PPP4R2: variants seen among roughly 807,000 people sequenced by gnomAD.
The protein encoded by PPP4R2 is protein phosphatase 4 regulatory subunit 2.
In PPP4R2, 13 loss-of-function variants were observed where a neutral mutation model predicts 47.2. The observed-to-expected ratio is 0.28, with a 90% CI of 0.18 to 0.44. The LOEUF is 0.44. Ranked by LOEUF, PPP4R2 falls within the 20% of genes least tolerant of loss-of-function variation. The pLI is 1.00. For synonymous variants in PPP4R2, 151 were observed against 163.3 expected (o/e 0.92, Z 0.57); for missense variants, 421 against 491.2 (o/e 0.86, Z 1.35).
Position 73,066,396 on chromosome 3 carries a change from A to C in PPP4R2, c.*674A>C, listed in dbSNP as rs1702998473. The C allele has an allele frequency of 6.6e-6, 1 of 151,918 alleles. No homozygotes were observed. Among genetic ancestry groups the C allele is most frequent in the South Asian group, 2.1e-4 (1 of 4,822 alleles). The allele number at this position is 151,918 out of a possible 1,614,324, so 9.4% of individuals were successfully genotyped here. ...TTTCTCTTCTGAGTAATTGAAATAA[A>C]ATCTGGCCCTTGTGAAACCCTGGAA... is the stretch of plus-strand genomic sequence containing the variant. On this transcript the variant is annotated 3_prime_UTR_variant, in exon 9 of 9. Coordinates refer to ENST00000356692, the MANE Select transcript of PPP4R2 (RefSeq NM_174907.4).
chr3:73,039,760 A>G (rs1460959074), intron 2 of PPP4R2, among the ~76,000 whole-genome samples: 1 of 152,128 alleles, frequency 6.6e-6, no homozygotes, highest in Non-Finnish European at 1.5e-5. Context: ...CAACTTGAAA[A>G]TGTCAGCAGT....
At position 73,065,502 on chromosome 3, in the gene PPP4R2, A is replaced by G. The variant is rs1432602155; in HGVS notation, c.1034A>G (p.Gln345Arg). 1.2e-6 allele frequency: 2 copies of G among 1,611,776 alleles called. No homozygotes were observed. Among genetic ancestry groups the G allele is most frequent in the East Asian group, 4.5e-5 (2 of 44,866 alleles). Residue 345 changes from glutamine (Q) to arginine (R), a missense_variant, in exon 9 of 9, where the codon CAA (glutamine) becomes CGA (arginine). By Grantham distance (43) the Gln-to-Arg change is conservative (BLOSUM62 1). Coordinates refer to ENST00000356692, the MANE Select transcript of PPP4R2 (RefSeq NM_174907.4). ...GAAGAGACTTCTGAGGAAAATAATCAAATGGAGGAATCTGATGTGTCTCAA... is the reference window on the plus strand; with the variant it reads ...GAAGAGACTTCTGAGGAAAATAATCGAATGGAGGAATCTGATGTGTCTCAA... ...VNEETSEENN[Q>R]MEESDVSQAE... is the part of the protein sequence containing the mutation.
At chr3:73,040,780 T>C (rs1237868016) in intron 2 of PPP4R2, among the ~76,000 whole-genome samples, 1 of 152,162 alleles carries the variant, frequency 6.6e-6, no homozygotes, top group Non-Finnish European at 1.5e-5. Flanking sequence ...CCGAAAGTGC[T>C]TGCATTACAG....
chr3:73,001,184 T>A (rs1701449731), intron 2 of PPP4R2, among the ~76,000 whole-genome samples: 1 of 152,060 alleles, frequency 6.6e-6, no homozygotes, highest in Non-Finnish European at 1.5e-5. Flanking sequence ...CTCAGCTACA[T>A]AAAATACTAA....
intron 2 of PPP4R2, among the ~76,000 whole-genome samples, chr3:73,031,429 G>C (rs902299550): frequency 1.4e-4 from 21 of 152,066 alleles, no homozygotes; most frequent in African/African-American, 4.6e-4. Flanking sequence ...TGTAATCCCA[G>C]CTACTCGGGA....
chr3:73,022,099 G>T (rs1189239619), intron 2 of PPP4R2, among the ~76,000 whole-genome samples: 1 of 151,724 alleles, frequency 6.6e-6, no homozygotes, highest in Non-Finnish European at 1.5e-5. Flanking sequence ...GTTTCACCAT[G>T]TTGGCCAGGC....
chr3:73,021,589 T>C lies in PPP4R2; in HGVS notation c.116+23431T>C, dbSNP rs374045516. Among the ~76,000 whole-genome samples the C allele has an allele frequency of 6.6e-5, 10 of 152,190 alleles. 1 individual carries two copies. The highest frequency in any genetic ancestry group is 2.4e-4 in the African/African-American group (10 of 41,520). ...CAGGTTAGATACTTTCAACATAAATTAGGAAAAAAATACTGGTGTGAATTT... is the reference window on the plus strand; with the variant it reads ...CAGGTTAGATACTTTCAACATAAATCAGGAAAAAAATACTGGTGTGAATTT... On this transcript the variant is annotated intron_variant, in intron 2 of 8. Transcript: ENST00000356692.
rs1371846533 is a variant in PPP4R2 at position 73,067,056 on chromosome 3, A to T, written c.*1334A>T. ...ATATTTAAAGTTTTTAAATTTCTGT[A>T]AAGTAGATTTTGTAGAATGTAATGT... On this transcript the variant is annotated 3_prime_UTR_variant, in exon 9 of 9. Coordinates refer to ENST00000356692, the MANE Select transcript of PPP4R2 (RefSeq NM_174907.4). 1 of 152,096 alleles carries T rather than the reference A, an allele frequency of 6.6e-6. No homozygotes were observed. Among genetic ancestry groups the T allele is most frequent in the East Asian group, 1.9e-4 (1 of 5,198 alleles). 9.4% of individuals were successfully genotyped at this position (152,096 alleles called of 1,614,324 possible). A position where few individuals can be genotyped will look rare whatever the true frequency, so the allele number is the denominator to read the frequency against.
chr3:73,056,654 A>G (rs1010537821), intron 3 of PPP4R2, among the ~76,000 whole-genome samples: 1 of 152,202 alleles, frequency 6.6e-6, no homozygotes, highest in African/African-American at 2.4e-5. Flanking sequence ...GAAATTGTCT[A>G]AGAACTTAAA....
chr3:73,018,240 A>G (rs1701881125), intron 2 of PPP4R2, among the ~76,000 whole-genome samples: 1 of 152,082 alleles, frequency 6.6e-6, no homozygotes, highest in South Asian at 2.1e-4. Flanking sequence ...TGAAAGTACA[A>G]TATTTGTAGG....
Position 73,047,978 on chromosome 3 carries a change from G to A in PPP4R2, c.287+622G>A, listed in dbSNP as rs183986262. Among the ~76,000 whole-genome samples, 786 of 152,298 alleles carry A rather than the reference G, an allele frequency of 5.2e-3. 10 individuals carry two copies. The highest frequency in any genetic ancestry group is 0.018 in the African/African-American group (764 of 41,556). On this transcript the variant is annotated intron_variant, in intron 3 of 8. Coordinates refer to ENST00000356692, the MANE Select transcript of PPP4R2 (RefSeq NM_174907.4). ...TGCAGTCTCTGTCTCCTGGGTTCAA[G>A]CAATTCTCCTCCCTCAGCTTCGCGA...
intron 2 of PPP4R2, among the ~76,000 whole-genome samples, chr3:73,043,061 AAG>A (rs765054559): frequency 2.6e-5 from 4 of 151,956 alleles, no homozygotes; most frequent in Non-Finnish European, 5.9e-5. Flanking sequence ...AACACACCAC[AAG>A]ACTCTGTGCA....
rs1702990683 is a variant in PPP4R2, at chr3:73,066,145, C to G, written c.*423C>G. ...AGTTTTCATATTTTGGTCATAGTTTCAACATTTTAACATGTGAATTATAGG... is the reference window on the plus strand; with the variant it reads ...AGTTTTCATATTTTGGTCATAGTTTGAACATTTTAACATGTGAATTATAGG... On this transcript the variant is annotated 3_prime_UTR_variant, in exon 9 of 9. Coordinates refer to ENST00000356692, the MANE Select transcript of PPP4R2 (RefSeq NM_174907.4). The G allele has an allele frequency of 6.7e-6, 1 of 149,826 alleles. No individual in the cohort carries two copies. Among genetic ancestry groups the G allele is most frequent in the African/African-American group, 2.4e-5 (1 of 40,918 alleles). The allele number at this position is 149,826 out of a possible 1,614,324, so 9.3% of individuals were successfully genotyped here.
At chr3:73,063,079 C>G in intron 5 of PPP4R2, 1 of 633,056 alleles carries the variant, frequency 1.6e-6, no homozygotes, top group Non-Finnish European at 2.7e-6. Context: ...TGTACTTTGC[C>G]ACCCCATTAT....
At position 73,025,834 on chromosome 3, in the gene PPP4R2, A is replaced by G. The variant is rs527410685; in HGVS notation, c.117-21352A>G. The stretch of plus-strand genomic sequence containing the variant: ...CCTTGGAGAAATTGAGTCTAATTCA[A>G]AGGAATTAGGGAAATCACTCAGGAG... On this transcript the variant is annotated intron_variant, in intron 2 of 8. Transcript: ENST00000356692. 7.9e-5 allele frequency among the ~76,000 whole-genome samples: 12 copies of G among 152,328 alleles called. No homozygotes were observed. In the East Asian group the frequency reaches 1.5e-3, roughly 20 times the overall value.
Position 73,047,531 on chromosome 3 carries a change from G to A in PPP4R2, c.287+175G>A, listed in dbSNP as rs137932661. 6.0e-3 allele frequency among the ~76,000 whole-genome samples: 921 copies of A among 152,274 alleles called. 8 individuals are homozygous for A. The highest frequency in any genetic ancestry group is 0.027 in the Middle Eastern group (8 of 294). Reference sequence around the variant, plus strand: ...CTTACAACTATTTAAAATATTTGTAGCCTCTTAAAAAACTTGAACCACCTT... The same window carrying A: ...CTTACAACTATTTAAAATATTTGTAACCTCTTAAAAAACTTGAACCACCTT... On this transcript the variant is annotated intron_variant, in intron 3 of 8. Coordinates refer to ENST00000356692, the MANE Select transcript of PPP4R2 (RefSeq NM_174907.4).
At chr3:73,029,182 C>T (rs1702124084) in intron 2 of PPP4R2, among the ~76,000 whole-genome samples, 1 of 152,192 alleles carries the variant, frequency 6.6e-6, no homozygotes. Context: ...TGCAAACAAT[C>T]CTCCCACCTT....
intron 2 of PPP4R2, among the ~76,000 whole-genome samples, chr3:73,012,952 A>G (rs1701754085): frequency 1.4e-5 from 2 of 147,632 alleles, no homozygotes; most frequent in African/African-American, 5.0e-5. Context: ...ACTAGTGGTG[A>G]ATTTGAGATT....
chr3:72,997,356 T>G, intron 1 of PPP4R2: 3 of 329,380 alleles, frequency 9.1e-6, no homozygotes, highest in Non-Finnish European at 1.7e-5. Context: ...AGGGGACGAG[T>G]GGCGGACCCG....
Sources: allele counts gnomAD v4.1 joint callset (sites outside exome capture counted in the v4.1 genomes callset), GRCh38; gene constraint gnomAD v4.1.1; transcripts MANE v1.5; gene names NCBI Gene and HGNC (gene_info 2026-07-23, HGNC 2026-07-21).